The following PHYHIPL variants were observed in gnomAD, a reference collection of about 807,000 sequenced individuals.
PHYHIPL encodes phytanoyl-CoA hydroxylase-interacting protein-like.
In PHYHIPL, 9 loss-of-function variants were observed where a neutral mutation model predicts 33.4. The observed-to-expected ratio is 0.27, with a 90% CI of 0.16 to 0.47. The LOEUF is 0.47. Among genes scored for constraint, PHYHIPL ranks in the 20% least tolerant of loss-of-function variants. The probability of loss-of-function intolerance (pLI) is 0.99; values close to 1 mark genes in which losing one functional copy is unlikely to be tolerated. For missense variants in PHYHIPL, 365 were observed against 460.7 expected, an observed-to-expected ratio of 0.79 and a Z score of 1.90; for synonymous variants, 153 against 154.1, an observed-to-expected ratio of 0.99 and a Z score of 0.05.
At chr10:59,234,789 G>A (rs867146436) in intron 2 of PHYHIPL, among the ~76,000 whole-genome samples, 9 of 151,706 alleles carry the variant, frequency 5.9e-5, no homozygotes, top group Non-Finnish European at 1.2e-4. Flanking sequence ...ACTTATTAAC[G>A]AGGAAACCGA....
At chr10:59,228,833 C>G (rs1362919506) in intron 1 of PHYHIPL, among the ~76,000 whole-genome samples, 2 of 152,024 alleles carry the variant, frequency 1.3e-5, no homozygotes, top group Non-Finnish European at 2.9e-5. Flanking sequence ...CTCTTTATTT[C>G]GATGGAGTCA....
At chr10:59,185,015 G>C (rs1276476986) in intron 1 of PHYHIPL, among the ~76,000 whole-genome samples, 1 of 139,134 alleles carries the variant, frequency 7.2e-6, no homozygotes, top group African/African-American at 2.8e-5. Flanking sequence ...TTTTGAGACG[G>C]AGTCTCGCTC....
intron 1 of PHYHIPL, among the ~76,000 whole-genome samples, chr10:59,203,463 C>T (rs1357712154): frequency 2.0e-5 from 3 of 152,116 alleles, no homozygotes; most frequent in Non-Finnish European, 2.9e-5. Flanking sequence ...AAGACACACG[C>T]ACACGTATGT....
intron 1 of PHYHIPL, among the ~76,000 whole-genome samples, chr10:59,216,883 G>T (rs1027960696): frequency 1.3e-5 from 2 of 152,146 alleles, no homozygotes; most frequent in Non-Finnish European, 2.9e-5. Flanking sequence ...AAGCTTGAAA[G>T]CGCAAACTAT....
chr10:59,177,211 C>T, intron 1 of PHYHIPL: 1 of 584,746 alleles, frequency 1.7e-6, no homozygotes, highest in Admixed American at 3.4e-5. Flanking sequence ...CGCCTTCGCC[C>T]GCCTGGCCCG....
chr10:59,177,630 T>C, intron 1 of PHYHIPL: 1 of 1,551,500 alleles, frequency 6.4e-7, no homozygotes, highest in Non-Finnish European at 8.7e-7. Flanking sequence ...TACGTACCAT[T>C]GCGTGTTGAT....
chr10:59,185,657 C>G (rs1838573667), intron 1 of PHYHIPL, among the ~76,000 whole-genome samples: 1 of 152,310 alleles, frequency 6.6e-6, no homozygotes, highest in South Asian at 2.1e-4. Flanking sequence ...GATCGCCATT[C>G]TAACTGGTGT....
chr10:59,196,710 C>T (rs778072417), intron 1 of PHYHIPL, among the ~76,000 whole-genome samples: 32 of 152,220 alleles, frequency 2.1e-4, no homozygotes, highest in Non-Finnish European at 3.8e-4. Flanking sequence ...AGCCACCGCG[C>T]CCGGCCAAGT....
chr10:59,245,593 G>T lies in PHYHIPL; in HGVS notation c.*2G>T. On this transcript the variant is annotated 3_prime_UTR_variant, in exon 5 of 5. Transcript: ENST00000373880. ...TGTAATATCAGTGTTGGACGTTAAT[G>T]CCCACTTTTCTTATTCTTACTCAGC... The T allele has an allele frequency of 6.3e-7, 1 of 1,581,790 alleles. No individual in the cohort carries two copies. The highest frequency in any genetic ancestry group is 1.2e-5 in the South Asian group (1 of 84,326).
chr10:59,238,680 C>A lies in PHYHIPL; in HGVS notation c.571C>A (p.His191Asn). Residue 191 changes from histidine to asparagine, a missense_variant, in exon 4 of 5, where the codon CAC becomes AAC. Coordinates refer to ENST00000373880, the MANE Select transcript of PHYHIPL (RefSeq NM_032439.4). ...LKFSVFYRNQ[H>N]KEYFDYVREH... ...GTTTTCTGTTTTTTATCGTAATCAG[C>A]ACAAAGAATATTTTGACTATGTTCG... 6.3e-7 allele frequency: 1 copy of A among 1,591,780 alleles called. No homozygotes were observed. Among genetic ancestry groups the A allele is most frequent in the Non-Finnish European group, 8.6e-7 (1 of 1,160,414 alleles).
At chr10:59,204,169 A>C (rs1415998584) in intron 1 of PHYHIPL, among the ~76,000 whole-genome samples, 1 of 152,214 alleles carries the variant, frequency 6.6e-6, no homozygotes, top group Admixed American at 6.5e-5. Flanking sequence ...TATTATAAGT[A>C]AAACAAACAA....
intron 1 of PHYHIPL, among the ~76,000 whole-genome samples, chr10:59,185,098 C>A (rs1386150286): frequency 6.8e-6 from 1 of 147,990 alleles, no homozygotes; most frequent in African/African-American, 2.5e-5. Context: ...TCACGCCATT[C>A]TCCTGCCTCA....
intron 4 of PHYHIPL, among the ~76,000 whole-genome samples, chr10:59,242,065 C>T (rs893165924): frequency 6.6e-6 from 1 of 152,148 alleles, no homozygotes; most frequent in African/African-American, 2.4e-5. Flanking sequence ...AGTGAGGAAC[C>T]TAGACCTCTA....
rs1476260908 is a variant in PHYHIPL at position 59,245,147 on chromosome 10, C to T, written c.687C>T (p.Phe229=). The T allele has an allele frequency of 1.2e-6, 2 of 1,614,132 alleles. No homozygotes were observed. Among genetic ancestry groups the T allele is most frequent in the South Asian group, 1.1e-5 (1 of 91,080 alleles). ...SPISGKLEGI[F]FSCSTEFNTG... ...TCAGTGGAAAATTAGAAGGCATCTT[C>T]TTCAGCTGCAGCACTGAATTCAATA... The change falls in exon 5 of 5, where the codon TTC becomes TTT. Residue 229 remains phenylalanine, a synonymous_variant. Transcript: ENST00000373880.
intron 1 of PHYHIPL, among the ~76,000 whole-genome samples, chr10:59,208,961 T>G (rs1839366534): frequency 1.3e-5 from 2 of 152,170 alleles, no homozygotes; most frequent in Admixed American, 6.5e-5. Flanking sequence ...TTGGTGTACC[T>G]GAAAGTGACA....
chr10:59,185,488 G>A (rs1838567119), intron 1 of PHYHIPL, among the ~76,000 whole-genome samples: 1 of 152,148 alleles, frequency 6.6e-6, no homozygotes. Flanking sequence ...CCAGTAATGG[G>A]ATGGCTGGGT....
chr10:59,187,355 A>G (rs1344953835), intron 1 of PHYHIPL, among the ~76,000 whole-genome samples: 1 of 152,152 alleles, frequency 6.6e-6, no homozygotes, highest in African/African-American at 2.4e-5. Flanking sequence ...GTGTTGCTGG[A>G]TTCGGTTTGC....
intron 1 of PHYHIPL, among the ~76,000 whole-genome samples, chr10:59,233,649 G>C (rs1460377782): frequency 6.6e-6 from 1 of 151,748 alleles, no homozygotes; most frequent in Non-Finnish European, 1.5e-5. Context: ...AATCTTTAAA[G>C]TAACTAGTTG....
chr10:59,189,529 T>C (rs919721191), intron 1 of PHYHIPL, among the ~76,000 whole-genome samples: 5 of 152,038 alleles, frequency 3.3e-5, no homozygotes, highest in Non-Finnish European at 5.9e-5. Context: ...TTTTCTTTTG[T>C]TCTTCTACTT....
Sources: allele counts gnomAD v4.1 joint callset (sites outside exome capture counted in the v4.1 genomes callset), GRCh38; gene constraint gnomAD v4.1.1; transcripts MANE v1.5; gene names NCBI Gene and HGNC (gene_info 2026-07-23, HGNC 2026-07-21).